CLASRP: variants seen among roughly 807,000 people sequenced by gnomAD.
CLASRP encodes CLK4-associating serine/arginine rich protein.
In CLASRP, 52 loss-of-function variants were observed where a neutral mutation model predicts 99.9. The ratio of observed to expected loss-of-function variants is 0.52; its 90% confidence interval spans 0.42 to 0.66. The LOEUF is 0.66. Among genes scored for constraint, CLASRP ranks in the 30% least tolerant of loss-of-function variants. The pLI is 0.00. For synonymous variants in CLASRP, 379 were observed against 373.0 expected (o/e 1.02, Z -0.18); for missense variants, 848 against 999.2 (o/e 0.85, Z 2.04).
At chr19:45,056,211 C>T (rs948207509) in intron 5 of CLASRP, among the ~76,000 whole-genome samples, 5 of 152,182 alleles carry the variant, frequency 3.3e-5, no homozygotes, top group African/African-American at 7.2e-5. Context: ...TCCCATTTTA[C>T]GGAAAAGGAA....
intron 13 of CLASRP, among the ~76,000 whole-genome samples, chr19:45,066,124 T>A (rs1967081668): frequency 6.6e-6 from 1 of 151,958 alleles, no homozygotes; most frequent in African/African-American, 2.4e-5. Flanking sequence ...TCTTGTTTCC[T>A]TTACTTTTTT....
chr19:45,064,328 G>A lies in CLASRP; in HGVS notation c.1122-15G>A, dbSNP rs986548664. 7.2e-6 allele frequency: 11 copies of A among 1,519,466 alleles called. No homozygotes were observed. The East Asian group carries it at 1.7e-4, about 24-fold the overall frequency. 94.1% of individuals were successfully genotyped at this position (1,519,466 alleles called of 1,614,324 possible). ...TCAGGCCTGCGCTGACCGGCCCTCCGTGCCCCGCCTGCAGCCGCCGCTCCT... is the reference window on the plus strand; with the variant it reads ...TCAGGCCTGCGCTGACCGGCCCTCCATGCCCCGCCTGCAGCCGCCGCTCCT... On this transcript the variant is annotated splice_polypyrimidine_tract_variant and intron_variant, in intron 12 of 20. Transcript: ENST00000221455.
At chr19:45,065,497 G>T (rs1967065558) in intron 13 of CLASRP, among the ~76,000 whole-genome samples, 1 of 151,866 alleles carries the variant, frequency 6.6e-6, no homozygotes, top group African/African-American at 2.4e-5. Flanking sequence ...GCAGGCGGAG[G>T]TTGCAGTGAG....
chr19:45,064,420 C>T lies in CLASRP; in HGVS notation c.1199C>T (p.Ser400Phe). The change falls in exon 13 of 21, where the codon TCC (serine) becomes TTC (phenylalanine). Residue 400 changes from serine (S) to phenylalanine (F), a missense_variant. Ser to Phe is a radical substitution (Grantham distance 155, BLOSUM62 -2). This residue lies in a region of CLASRP where 489 missense variants were observed against 434.7 expected (regional missense o/e 1.12). Transcript: ENST00000221455. The part of the protein sequence containing the change: ...SSSRSSSRSS[S>F]RSRRGGGYYR... Reference sequence around the variant, plus strand: ...TCCCGCTCCAGCTCTCGCTCCAGCTCCCGCTCTCGCCGTGGTGGGGGCTAC... The same window carrying T: ...TCCCGCTCCAGCTCTCGCTCCAGCTTCCGCTCTCGCCGTGGTGGGGGCTAC... 1 of 1,529,148 alleles carries T rather than the reference C, an allele frequency of 6.5e-7. No individual in the cohort carries two copies. Among genetic ancestry groups the T allele is most frequent in the Non-Finnish European group, 8.8e-7 (1 of 1,140,090 alleles). The allele number at this position is 1,529,148 out of a possible 1,614,324, so 94.7% of individuals were successfully genotyped here.
At chr19:45,052,440 G>T (rs1173428481) in intron 3 of CLASRP, among the ~76,000 whole-genome samples, 1 of 152,204 alleles carries the variant, frequency 6.6e-6, no homozygotes, top group Non-Finnish European at 1.5e-5. Context: ...GCAGAGAGTA[G>T]GTTGCCAGAC....
At position 45,067,266 on chromosome 19, in the gene CLASRP, G is replaced by A. The variant is rs1482892422; in HGVS notation, c.1410-71G>A. On this transcript the variant is annotated intron_variant, in intron 13 of 20. Transcript: ENST00000221455. The surrounding 1 kb of genome is among the most constrained non-coding windows in gnomAD (Gnocchi z 4.9). ...TTGCAGGAAGGAGGACTGTGGATCC[G>A]GACCCAGGGTGGGGTGCGGTTGGGG... 1.5e-5 allele frequency: 21 copies of A among 1,435,490 alleles called. No homozygotes were observed. The highest frequency in any genetic ancestry group is 2.5e-4 in the Middle Eastern group (1 of 3,922). 88.9% of individuals were successfully genotyped at this position (1,435,490 alleles called of 1,614,324 possible). A position where few individuals can be genotyped will look rare whatever the true frequency, so the allele number is the denominator to read the frequency against.
At chr19:45,052,429 A>G (rs1210639765) in intron 3 of CLASRP, among the ~76,000 whole-genome samples, 1 of 152,174 alleles carries the variant, frequency 6.6e-6, no homozygotes. Context: ...GCCCAGAGGA[A>G]GCAGAGAGTA....
At chr19:45,058,364 C>G (rs1972162170) in intron 7 of CLASRP, 2 of 157,622 alleles carry the variant, frequency 1.3e-5, no homozygotes, top group African/African-American at 2.4e-5. Flanking sequence ...GGTTCTTACT[C>G]CAGCAACTGG....
intron 5 of CLASRP, among the ~76,000 whole-genome samples, chr19:45,053,992 AT>A (rs2122560284): frequency 6.6e-6 from 1 of 152,294 alleles, no homozygotes; most frequent in African/African-American, 2.4e-5. Flanking sequence ...TAAAAAGGAA[AT>A]TTCTCCTTGA....
At chr19:45,063,317 T>C (rs150651113) in intron 11 of CLASRP, among the ~76,000 whole-genome samples, 1 of 152,082 alleles carries the variant, frequency 6.6e-6, no homozygotes, top group East Asian at 1.9e-4. Flanking sequence ...ACTTTGTTTT[T>C]ATTTTACTAA....
intron 2 of CLASRP, among the ~76,000 whole-genome samples, chr19:45,047,143 A>G (rs923068768): frequency 2.6e-5 from 4 of 152,170 alleles, no homozygotes; most frequent in Admixed American, 1.3e-4. Flanking sequence ...TGAGGGATAC[A>G]TCGAGAAAGA....
chr19:45,044,638 A>G (rs1971881365), intron 2 of CLASRP, among the ~76,000 whole-genome samples: 1 of 152,148 alleles, frequency 6.6e-6, no homozygotes, highest in South Asian at 2.1e-4. Flanking sequence ...GTTTGGTGGC[A>G]TGCGCCTGTG....
Position 45,068,003 on chromosome 19 carries a change from G to T in CLASRP, c.1668-12G>T. ...CCTCCCAACCATGTCCTCTGGCCCT[G>T]CCCCCACCCAGGACCGAACCTGCCG... On this transcript the variant is annotated splice_polypyrimidine_tract_variant and intron_variant, in intron 14 of 20. Transcript: ENST00000221455. The T allele has an allele frequency of 6.2e-7, 1 of 1,609,130 alleles. No homozygotes were observed. The highest frequency in any genetic ancestry group is 1.1e-5 in the South Asian group (1 of 90,958).
intron 20 of CLASRP, 26 bp downstream of exon 20, chr19:45,070,587 T>C (rs999821950): frequency 2.4e-5 from 39 of 1,605,042 alleles, no homozygotes; most frequent in East Asian, 1.3e-4. Flanking sequence ...ACCCTCCACT[T>C]TCTTGGAAGT....
In CLASRP at chr19:45,067,640, G is replaced by A. The variant is rs778101027; in HGVS notation, c.1667+46G>A. 2.6e-6 allele frequency: 4 copies of A among 1,516,742 alleles called. No homozygotes were observed. The highest frequency in any genetic ancestry group is 1.4e-5 in the African/African-American group (1 of 72,922). The allele number at this position is 1,516,742 out of a possible 1,614,324, so 94.0% of individuals were successfully genotyped here. On this transcript the variant is annotated intron_variant, in intron 14 of 20. Coordinates refer to ENST00000221455, the MANE Select transcript of CLASRP (RefSeq NM_007056.3). This position sits in a 1 kb window ranked among gnomAD's most constrained non-coding sequence, Gnocchi z 4.9. ...GGAAGAGGGCTGCCAATCTCGGGTG[G>A]GGAGGGTGAACATCACTGTTTTCTT...
chr19:45,056,654 CA>C, intron 6 of CLASRP, 120 bp downstream of exon 6: 1 of 804,546 alleles, frequency 1.2e-6, no homozygotes, highest in Middle Eastern at 3.6e-4. Context: ...TGGTGTTCAG[CA>C]CACAGTCAGT....
At position 45,064,588 on chromosome 19, in the gene CLASRP, C is replaced by G. The variant is rs533411098; in HGVS notation, c.1367C>G (p.Ser456Trp). ...GSRDGHRYSR[S>W]PARRGGYGPR... ...CGAGACGGACACCGGTACTCCCGCT[C>G]GCCCGCCCGGCGTGGTGGTTACGGG... is the stretch of plus-strand genomic sequence containing the variant. Residue 456 changes from serine (S) to tryptophan (W), a missense_variant, in exon 13 of 21, where the codon TCG (serine) becomes TGG (tryptophan). By Grantham distance (177) the Ser-to-Trp change is radical. Transcript: ENST00000221455. 1.3e-6 allele frequency: 2 copies of G among 1,545,314 alleles called. No individual in the cohort carries two copies. Among genetic ancestry groups the G allele is most frequent in the South Asian group, 2.4e-5 (2 of 84,528 alleles).
chr19:45,068,819 C>T (rs1001000889), intron 16 of CLASRP, among the ~76,000 whole-genome samples: 4 of 151,938 alleles, frequency 2.6e-5, no homozygotes, highest in African/African-American at 9.7e-5. Flanking sequence ...GGTGAAACCC[C>T]GTCTCTCTAA....
chr19:45,042,990 CT>C (rs1204249134), intron 2 of CLASRP, among the ~76,000 whole-genome samples: 1 of 152,118 alleles, frequency 6.6e-6, no homozygotes, highest in African/African-American at 2.4e-5. Flanking sequence ...CATATAAGTA[CT>C]TTACACAAAC....
Sources: allele counts gnomAD v4.1 joint callset (sites outside exome capture counted in the v4.1 genomes callset), GRCh38; gene constraint gnomAD v4.1.1; regional missense constraint gnomAD v4.1.1; non-coding constraint Gnocchi (gnomAD v3.1); transcripts MANE v1.5; gene names NCBI Gene and HGNC (gene_info 2026-07-23, HGNC 2026-07-21).